Variants in WNK2 observed in about 807,000 individuals in gnomAD.
The protein encoded by WNK2 is WNK lysine deficient protein kinase 2, also known as serine/threonine-protein kinase WNK2.
WNK2 carries 67 observed loss-of-function variants against 192.1 expected under a neutral mutation model. That is an observed-to-expected ratio of 0.35 (90% CI 0.29 to 0.43). WNK2 has a LOEUF of 0.43. Among genes scored for constraint, WNK2 ranks in the 20% least tolerant of loss-of-function variants. WNK2 has a pLI of 1.00. For missense variants in WNK2, 2,698 were observed against 3,089.7 expected, an observed-to-expected ratio of 0.87 and a Z score of 3.01; for synonymous variants, 1,439 against 1,393.9, an observed-to-expected ratio of 1.03 and a Z score of -0.72.
At chr9:93,300,321 C>T (rs899835981) in intron 26 of WNK2, 172 bp downstream of exon 26, 13 of 555,482 alleles carry the variant, frequency 2.3e-5, no homozygotes, top group Admixed American at 6.6e-5. Context: ...CCTGGAGCGG[C>T]GGCCGCCAGC....
chr9:93,211,272 A>G (rs1472133448), intron 2 of WNK2, among the ~76,000 whole-genome samples: 44 of 151,212 alleles, frequency 2.9e-4, no homozygotes, highest in Middle Eastern at 3.4e-3. Flanking sequence ...TCATTCACTC[A>G]CTCATCCACT....
chr9:93,268,628 C>A lies in WNK2; in HGVS notation c.3915C>A (p.Val1305=). The A allele has an allele frequency of 6.2e-7, 1 of 1,611,698 alleles. No individual in the cohort carries two copies. The highest frequency in any genetic ancestry group is 8.5e-7 in the Non-Finnish European group (1 of 1,179,172). ...TGCTGTTTCTGTTCTGCCCTTCAGT[C>A]CTGCACACCGGGAAGAGGTGGTTCA... ...QANAPVYQQN[V]LHTGKRWFII... Residue 1305 remains valine (V), a splice_region_variant and synonymous_variant, in exon 19 of 30, where the codon GTC becomes GTA. Transcript: ENST00000427277.
rs1371734874 is a variant in WNK2, at chr9:93,308,438, G to A, written c.6370G>A (p.Asp2124Asn). The change falls in exon 28 of 30, where the codon GAC becomes AAC. Residue 2124 changes from aspartate (D) to asparagine (N), a missense_variant. By Grantham distance (23) the Asp-to-Asn change is conservative. Coordinates refer to ENST00000427277, the MANE Select transcript of WNK2 (RefSeq NM_006648.4). Reference sequence around the variant, plus strand: ...CAACAAGAAGGGTACCTTCACGGACGACCTGCACAAGCTGGTGGACGAGTG... The same window carrying A: ...CAACAAGAAGGGTACCTTCACGGACAACCTGCACAAGCTGGTGGACGAGTG... ...SNNKKGTFTD[D>N]LHKLVDEWTS... 34 of 1,609,172 alleles carry A rather than the reference G, an allele frequency of 2.1e-5. No homozygotes were observed. Among genetic ancestry groups the A allele is most frequent in the Admixed American group, 5.0e-5 (3 of 59,530 alleles).
rs769826711 is a variant in WNK2 at position 93,289,163 on chromosome 9, C to T, written c.4409C>T (p.Ala1470Val). 1 of 1,600,304 alleles carries T rather than the reference C, an allele frequency of 6.2e-7. No homozygotes were observed. Among genetic ancestry groups the T allele is most frequent in the Non-Finnish European group, 8.5e-7 (1 of 1,174,596 alleles). ...GCTGCCTCAACCAGGGACGCCAGTG[C>T]CCCAAGGGAGCCCCTGCCACCTCCT... ...PEAASTRDAS[A>V]PREPLPPPAP... The change falls in exon 20 of 30, where the codon GCC becomes GTC. Residue 1470 changes from alanine to valine, a missense_variant. Physicochemically the swap from Ala to Val is moderately conservative, Grantham distance 64. This residue lies in a region of WNK2 where 1,098 missense variants were observed against 1,101.0 expected (regional missense o/e 1.00). Coordinates refer to ENST00000427277, the MANE Select transcript of WNK2 (RefSeq NM_006648.4).
intron 19 of WNK2, among the ~76,000 whole-genome samples, chr9:93,283,700 G>A (rs572079342): frequency 6.6e-6 from 1 of 152,274 alleles, no homozygotes; most frequent in Admixed American, 6.5e-5. Flanking sequence ...AGAAAATAGA[G>A]ACCCTTTTTG....
At chr9:93,293,519 CA>C (rs1849720067) in intron 23 of WNK2, among the ~76,000 whole-genome samples, 1 of 152,092 alleles carries the variant, frequency 6.6e-6, no homozygotes, top group Non-Finnish European at 1.5e-5. Context: ...GGGGTTTCAC[CA>C]TGTTGGCCAG....
Position 93,283,738 on chromosome 9 carries a change from C to T in WNK2, c.4034-5050C>T, listed in dbSNP as rs1424290359. Among the ~76,000 whole-genome samples the T allele has an allele frequency of 1.1e-4, 17 of 152,244 alleles. No homozygotes were observed. The East Asian group carries it at 1.7e-3, about 16-fold the overall frequency. Reference sequence around the variant, plus strand: ...AGGTTTCATACATCTGGCCCTGACTCCCATTATGCAGAACAAGGACACATT... The same window carrying T: ...AGGTTTCATACATCTGGCCCTGACTTCCATTATGCAGAACAAGGACACATT... On this transcript the variant is annotated intron_variant, in intron 19 of 29. Coordinates refer to ENST00000427277, the MANE Select transcript of WNK2 (RefSeq NM_006648.4).
At chr9:93,319,213 G>A (rs1397018940) in intron 29 of WNK2, 1 of 1,611,678 alleles carries the variant, frequency 6.2e-7, no homozygotes, top group South Asian at 1.1e-5. Flanking sequence ...CGAAAACAGT[G>A]TGAAACAACA....
chr9:93,264,040 C>T lies in WNK2; in HGVS notation c.3696+7C>T. On this transcript the variant is annotated splice_region_variant and intron_variant, in intron 16 of 29. Transcript: ENST00000427277. ...TGAAATTGCCACGTATATGGTGAGG[C>T]TGGGTCTGGGTGGCTTGGCTCCCGG... 1 of 1,605,350 alleles carries T rather than the reference C, an allele frequency of 6.2e-7. No individual in the cohort carries two copies. The highest frequency in any genetic ancestry group is 8.5e-7 in the Non-Finnish European group (1 of 1,174,232).
chr9:93,267,397 T>TC (rs1225502601), intron 16 of WNK2, among the ~76,000 whole-genome samples: 4 of 152,010 alleles, frequency 2.6e-5, no homozygotes, highest in Non-Finnish European at 5.9e-5. Flanking sequence ...CCCCCTCCCC[T>TC]CTTCCCAGTC....
intron 2 of WNK2, among the ~76,000 whole-genome samples, chr9:93,211,786 C>T (rs1279822330): frequency 6.6e-6 from 1 of 152,150 alleles, no homozygotes; most frequent in African/African-American, 2.4e-5. Context: ...CATTCACTCT[C>T]ATCCACTCAG....
chr9:93,297,349 T>C (rs1174421618), intron 23 of WNK2, among the ~76,000 whole-genome samples: 1 of 152,172 alleles, frequency 6.6e-6, no homozygotes, highest in Non-Finnish European at 1.5e-5. Context: ...GGCTCACATA[T>C]GGTGTGGCAT....
In WNK2 at chr9:93,267,851, G is replaced by T. The variant is rs891537075; in HGVS notation, c.3802G>T (p.Asp1268Tyr). ...EDMLSEDTDA[D>Y]RGSDPGTSPP... ...CATGCTCAGCGAGGACACAGACGCC[G>T]ACCGTGGCTCCGACCCAGGGACCAG... The change falls in exon 17 of 30, where the codon GAC becomes TAC. Residue 1268 changes from aspartate (D) to tyrosine (Y), a missense_variant. Transcript: ENST00000427277. 1.2e-6 allele frequency: 2 copies of T among 1,611,710 alleles called. No individual in the cohort carries two copies. The highest frequency in any genetic ancestry group is 8.5e-7 in the Non-Finnish European group (1 of 1,179,176).
Position 93,184,236 on chromosome 9 carries a change from G to T in WNK2, c.-152G>T, listed in dbSNP as rs557387399. Among the ~76,000 whole-genome samples the T allele has an allele frequency of 1.3e-5, 2 of 150,606 alleles. No individual in the cohort carries two copies. The highest frequency in any genetic ancestry group is 2.4e-5 in the African/African-American group (1 of 41,174). ...GGCCCCGCAGTGGCCCGGCCCGAGA[G>T]AGCAGCGCGCAGGAGCTGGAGCGGC... On this transcript the variant is annotated 5_prime_UTR_variant, in exon 1 of 30. Coordinates refer to ENST00000427277, the MANE Select transcript of WNK2 (RefSeq NM_006648.4).
Position 93,239,165 on chromosome 9 carries a change from C to T in WNK2, c.1323-592C>T, listed in dbSNP as rs1190582934. Among the ~76,000 whole-genome samples the T allele has an allele frequency of 2.0e-5, 3 of 152,234 alleles. No homozygotes were observed. The highest frequency in any genetic ancestry group is 2.9e-5 in the Non-Finnish European group (2 of 68,044). Reference sequence around the variant, plus strand: ...GGCAACACCCTGTGGCCCGCCCTCCCGGATCCCTGCAAAGAGCCTTCGAGG... The same window carrying T: ...GGCAACACCCTGTGGCCCGCCCTCCTGGATCCCTGCAAAGAGCCTTCGAGG... On this transcript the variant is annotated intron_variant, in intron 6 of 29. Coordinates refer to ENST00000427277, the MANE Select transcript of WNK2 (RefSeq NM_006648.4). The surrounding 1 kb of genome is among the most constrained non-coding windows in gnomAD (Gnocchi z 4.2).
intron 19 of WNK2, among the ~76,000 whole-genome samples, chr9:93,282,732 A>G (rs577210942): frequency 1.4e-4 from 22 of 152,336 alleles, no homozygotes; most frequent in Non-Finnish European, 2.2e-4. Flanking sequence ...GCAATTTACA[A>G]TCATGGGAGA....
At chr9:93,252,289 C>T (rs2132634666) in intron 8 of WNK2, among the ~76,000 whole-genome samples, 1 of 152,294 alleles carries the variant, frequency 6.6e-6, no homozygotes, top group South Asian at 2.1e-4. Flanking sequence ...CATGCGAGGC[C>T]TCTGGGGGAG....
chr9:93,292,228 G>A, intron 21 of WNK2, 80 bp from the exon 22 acceptor site: 1 of 1,488,660 alleles, frequency 6.7e-7, no homozygotes, highest in Non-Finnish European at 9.3e-7. Flanking sequence ...GATCACTTTG[G>A]GCTGCTTCGG....
chr9:93,204,433 C>T (rs891857132), intron 2 of WNK2, among the ~76,000 whole-genome samples: 1 of 152,174 alleles, frequency 6.6e-6, no homozygotes, highest in Non-Finnish European at 1.5e-5. Context: ...GGAATGGGGG[C>T]CAGAAAGGCG....
Sources: gnomAD v4.1 joint callset for allele counts (sites outside exome capture counted in the v4.1 genomes callset) on GRCh38, gnomAD v4.1.1 for gene constraint, gnomAD v4.1.1 regional missense constraint, Gnocchi (gnomAD v3.1) non-coding constraint, MANE v1.5 for transcripts, NCBI Gene and HGNC (gene_info 2026-07-23, HGNC 2026-07-21) for gene names.